AFF2: variants seen among roughly 807,000 people sequenced by gnomAD.
AFF2 encodes ALF transcription elongation factor 2, also known as AF4/FMR2 family member 2.
A neutral mutation model predicts 76.9 loss-of-function variants in AFF2; 14 were observed. The observed-to-expected ratio is 0.18, with a 90% confidence interval of 0.12 to 0.28. The LOEUF (loss-of-function observed/expected upper bound fraction) is 0.28. Ranked by LOEUF, AFF2 falls within the 10% of genes least tolerant of loss-of-function variation. The pLI, the probability that AFF2 is intolerant of heterozygous loss-of-function variation, is 1.00. For missense variants in AFF2, 868 were observed against 1,001.1 expected (o/e 0.87, Z 1.79); for synonymous variants, 398 against 366.7 (o/e 1.09, Z -0.98).
At chrX:148,735,460 G>T (rs2055273790) in intron 3 of AFF2, among the ~76,000 whole-genome samples, 1 of 111,422 alleles carries the variant, frequency 9.0e-6, no homozygotes, top group African/African-American at 3.3e-5. Flanking sequence ...GTAAAATATT[G>T]GTACATATGA....
At chrX:148,834,276 T>G (rs2070492047) in intron 4 of AFF2, among the ~76,000 whole-genome samples, 3 of 112,197 alleles carry the variant, frequency 2.7e-5, no homozygotes, top group Non-Finnish European at 5.6e-5. Context: ...GAGGGAGACA[T>G]ATTTGTTATA....
chrX:148,644,655 A>G (rs1349549681), intron 1 of AFF2, among the ~76,000 whole-genome samples: 2 of 112,492 alleles, frequency 1.8e-5, no homozygotes, highest in Non-Finnish European at 3.8e-5. Flanking sequence ...GTTTCTACAT[A>G]ATAGAATAAA....
At position 148,994,367 on chromosome X, in the gene AFF2, G is replaced by T. The variant is rs188324044; in HGVS notation, c.*3035G>T. The T allele has an allele frequency of 1.2e-4, 13 of 112,204 alleles. No homozygotes were observed. The highest frequency in any genetic ancestry group is 4.6e-3 in the Middle Eastern group (1 of 218). 9.2% of individuals were successfully genotyped at this position (112,204 alleles called of 1,213,427 possible). ...TGGTAGGTAGGATTACTTTGAAAAG[G>T]GTTTACTAGTGTGGTCCTCCGGGTA... On this transcript the variant is annotated 3_prime_UTR_variant, in exon 21 of 21. Transcript: ENST00000370460.
At chrX:148,699,630 A>G (rs2054762325) in intron 3 of AFF2, among the ~76,000 whole-genome samples, 1 of 111,121 alleles carries the variant, frequency 9.0e-6, no homozygotes, top group African/African-American at 3.3e-5. Flanking sequence ...CAGGGTCTGT[A>G]TTTAGGTCTT....
intron 9 of AFF2, among the ~76,000 whole-genome samples, chrX:148,925,420 GACA>G (rs1288077049): frequency 1.8e-5 from 2 of 112,474 alleles, no homozygotes; most frequent in Admixed American, 1.9e-4. Context: ...CAGCCTATAG[GACA>G]ACATTTCCAC....
intron 3 of AFF2, among the ~76,000 whole-genome samples, chrX:148,676,171 G>A (rs1557259459): frequency 2.8e-5 from 3 of 105,483 alleles, no homozygotes; most frequent in South Asian, 4.3e-4. Flanking sequence ...GCCATTCTCC[G>A]GCCTCAGCCT....
intron 3 of AFF2, among the ~76,000 whole-genome samples, chrX:148,701,091 T>C (rs1000037632): frequency 1.9e-5 from 2 of 107,777 alleles, no homozygotes; most frequent in African/African-American, 6.8e-5. Context: ...ACCATTATGG[T>C]AAATTGCCTT....
chrX:148,853,476 A>G (rs1275546882), intron 7 of AFF2, among the ~76,000 whole-genome samples: 1 of 111,676 alleles, frequency 9.0e-6, no homozygotes, highest in African/African-American at 3.3e-5. Flanking sequence ...TATATTACTC[A>G]GACTCTGTAG....
At chrX:148,888,175 G>C (rs1463868020) in intron 8 of AFF2, among the ~76,000 whole-genome samples, 1 of 111,246 alleles carries the variant, frequency 9.0e-6, no homozygotes, top group Non-Finnish European at 1.9e-5. Flanking sequence ...CCATTAAACA[G>C]TTCCTCCCCA....
chrX:148,887,811 C>T (rs1603333018), intron 8 of AFF2, among the ~76,000 whole-genome samples: 1 of 111,354 alleles, frequency 9.0e-6, no homozygotes, highest in Non-Finnish European at 1.9e-5. Context: ...CTAGCTGAGT[C>T]CTAGGAGCAA....
intron 1 of AFF2, among the ~76,000 whole-genome samples, chrX:148,541,268 G>C (rs2052851885): frequency 8.9e-6 from 1 of 112,314 alleles, no homozygotes; most frequent in Non-Finnish European, 1.9e-5. Context: ...TTCATTACCA[G>C]TAGCCTGTTG....
chrX:148,856,086 T>C (rs2070783736), intron 7 of AFF2, among the ~76,000 whole-genome samples: 1 of 110,986 alleles, frequency 9.0e-6, no homozygotes, highest in Non-Finnish European at 1.9e-5. Context: ...CTGGACTACA[T>C]TGAACATTTC....
At chrX:148,539,665 T>C (rs1426335344) in intron 1 of AFF2, among the ~76,000 whole-genome samples, 2 of 111,046 alleles carry the variant, frequency 1.8e-5, no homozygotes, top group Non-Finnish European at 3.8e-5. Flanking sequence ...GAACTATCTT[T>C]TTTTTTTAAA....
rs1326910516 is a variant in AFF2, at chrX:148,995,075, G to A, written c.*3743G>A. Reference sequence around the variant, plus strand: ...GCACCCCCAAATTTAATTCTGTGGGGAAAAATTATTGAGCCAGTTGTCAGT... The same window carrying A: ...GCACCCCCAAATTTAATTCTGTGGGAAAAAATTATTGAGCCAGTTGTCAGT... On this transcript the variant is annotated 3_prime_UTR_variant, in exon 21 of 21. Transcript: ENST00000370460. 3.6e-5 allele frequency: 4 copies of A among 112,204 alleles called. No individual in the cohort carries two copies. The highest frequency in any genetic ancestry group is 5.6e-5 in the Non-Finnish European group (3 of 53,174). The allele number at this position is 112,204 out of a possible 1,213,427, so 9.2% of individuals were successfully genotyped here.
At chrX:148,728,661 T>C (rs1038247007) in intron 3 of AFF2, among the ~76,000 whole-genome samples, 2 of 112,581 alleles carry the variant, frequency 1.8e-5, no homozygotes, top group Admixed American at 1.9e-4. Flanking sequence ...ATTTTAATAG[T>C]GTACTTGCAA....
At chrX:148,950,662 T>G (rs1178870499) in intron 9 of AFF2, among the ~76,000 whole-genome samples, 1 of 112,281 alleles carries the variant, frequency 8.9e-6, no homozygotes, top group African/African-American at 3.2e-5. Flanking sequence ...GAGTCCCACC[T>G]GAGAACACAG....
intron 1 of AFF2, among the ~76,000 whole-genome samples, chrX:148,552,726 G>C (rs1474984702): frequency 8.9e-6 from 1 of 112,323 alleles, no homozygotes; most frequent in Non-Finnish European, 1.9e-5. Context: ...TGACAGCACA[G>C]ATAGATGCCT....
intron 8 of AFF2, among the ~76,000 whole-genome samples, chrX:148,895,219 C>T (rs1557280185): frequency 9.0e-6 from 1 of 111,428 alleles, no homozygotes; most frequent in Non-Finnish European, 1.9e-5. Context: ...AGGGCTTTTC[C>T]CACTGCTTCC....
chrX:148,903,136 AC>A (rs2071371933), intron 8 of AFF2, among the ~76,000 whole-genome samples: 1 of 111,593 alleles, frequency 9.0e-6, no homozygotes, highest in Non-Finnish European at 1.9e-5. Context: ...CCAAACAGAT[AC>A]TTTTTTAAAG....
Sources: gnomAD v4.1 joint callset for allele counts (sites outside exome capture counted in the v4.1 genomes callset) on GRCh38, gnomAD v4.1.1 for gene constraint, MANE v1.5 for transcripts, NCBI Gene and HGNC (gene_info 2026-07-23, HGNC 2026-07-21) for gene names.